Variants in CCDC73 observed in about 807,000 individuals in gnomAD.
CCDC73 encodes coiled-coil domain-containing protein 73.
CCDC73 carries 95 observed loss-of-function variants against 116.5 expected under a neutral mutation model. That is an observed-to-expected ratio of 0.82 (90% CI 0.69 to 0.97). CCDC73 has a LOEUF of 0.97. Among genes scored for constraint, CCDC73 ranks in the 50% least tolerant of loss-of-function variants. The pLI, the probability that CCDC73 is intolerant of heterozygous loss-of-function variation, is 0.00. For synonymous variants in CCDC73, 398 were observed against 401.3 expected (o/e 0.99, Z 0.10); for missense variants, 1,066 against 1,206.8 (o/e 0.88, Z 1.73).
chr11:32,688,019 C>G (rs888459453), intron 6 of CCDC73, among the ~76,000 whole-genome samples: 2 of 151,782 alleles, frequency 1.3e-5, no homozygotes, highest in Non-Finnish European at 2.9e-5. Context: ...ATCCATTGTA[C>G]AAAACAGGAA....
intron 2 of CCDC73, among the ~76,000 whole-genome samples, chr11:32,752,603 A>G (rs1590630027): frequency 6.6e-6 from 1 of 152,368 alleles, no homozygotes; most frequent in Admixed American, 6.5e-5. Context: ...CCAATCTGGG[A>G]ATCAAAAACT....
intron 3 of CCDC73, among the ~76,000 whole-genome samples, chr11:32,710,041 G>A (rs139225266): frequency 6.6e-6 from 1 of 152,150 alleles, no homozygotes; most frequent in African/African-American, 2.4e-5. Flanking sequence ...TGTGGTATCA[G>A]TTGTAGCATC....
intron 13 of CCDC73, among the ~76,000 whole-genome samples, chr11:32,636,512 C>T (rs1855680216): frequency 6.6e-6 from 1 of 152,034 alleles, no homozygotes; most frequent in Non-Finnish European, 1.5e-5. Context: ...GTAAGTTCCA[C>T]TGAGGCGAAA....
At chr11:32,676,684 T>C (rs1590587917) in intron 7 of CCDC73, among the ~76,000 whole-genome samples, 1 of 152,128 alleles carries the variant, frequency 6.6e-6, no homozygotes, top group Non-Finnish European at 1.5e-5. Flanking sequence ...ACTTGGGAAG[T>C]TGAGGTGGGA....
intron 3 of CCDC73, among the ~76,000 whole-genome samples, chr11:32,708,620 T>G (rs1849874282): frequency 6.6e-6 from 1 of 152,206 alleles, no homozygotes; most frequent in Non-Finnish European, 1.5e-5. Flanking sequence ...GTCTTCCATC[T>G]CCTTGGTTAG....
the CCDC73 span, among the ~76,000 whole-genome samples, chr11:32,823,429 G>A: frequency 6.6e-6 from 1 of 151,896 alleles, no homozygotes; most frequent in Non-Finnish European, 1.5e-5. Flanking sequence ...AGCCAAGATT[G>A]TGCCATTGCA....
At position 32,671,170 on chromosome 11, in the gene CCDC73, C is replaced by T. The variant is rs7126059; in HGVS notation, c.645+4395G>A. 1.6e-3 allele frequency among the ~76,000 whole-genome samples: 238 copies of T among 152,038 alleles called. 2 individuals are homozygous for T. The highest frequency in any genetic ancestry group is 5.2e-3 in the African/African-American group (217 of 41,476). ...ATAGTTCCTGCAGTCATAAATATTG[C>T]GCTCTTTTCTCCTTCACCCCTCCCT... On this transcript the variant is annotated intron_variant, in intron 9 of 17. Transcript: ENST00000335185.
chr11:32,705,740 T>C (rs1490377663), intron 3 of CCDC73, among the ~76,000 whole-genome samples: 3 of 152,176 alleles, frequency 2.0e-5, no homozygotes, highest in Non-Finnish European at 4.4e-5. Flanking sequence ...ATTATGATAG[T>C]TGGAAGTTTA....
chr11:32,775,909 T>C (rs1287581770), intron 1 of CCDC73, among the ~76,000 whole-genome samples: 1 of 152,214 alleles, frequency 6.6e-6, no homozygotes, highest in African/African-American at 2.4e-5. Context: ...TCACATCAGA[T>C]TTAACAAATC....
intron 1 of CCDC73, among the ~76,000 whole-genome samples, chr11:32,787,868 T>C (rs1021974693): frequency 6.6e-6 from 1 of 152,214 alleles, no homozygotes; most frequent in African/African-American, 2.4e-5. Flanking sequence ...GAGAACATCC[T>C]TAACTCCATC....
At chr11:32,789,574 T>C (rs1850658151) in intron 1 of CCDC73, among the ~76,000 whole-genome samples, 2 of 151,874 alleles carry the variant, frequency 1.3e-5, no homozygotes, top group Non-Finnish European at 2.9e-5. Flanking sequence ...AGTTCAAGAT[T>C]AGCCTAGACA....
At chr11:32,742,022 T>C (rs1396349521) in intron 2 of CCDC73, among the ~76,000 whole-genome samples, 5 of 152,140 alleles carry the variant, frequency 3.3e-5, no homozygotes, top group Non-Finnish European at 7.3e-5. Flanking sequence ...TATTCCATGG[T>C]GTATATGTGC....
intron 17 of CCDC73, chr11:32,606,261 A>G (rs1383438543): frequency 6.6e-6 from 1 of 152,332 alleles, no homozygotes; most frequent in Admixed American, 6.5e-5. Context: ...TTTTTTGGCT[A>G]TAAGTCTTCA....
At chr11:32,787,930 GC>G (rs975281775) in intron 1 of CCDC73, among the ~76,000 whole-genome samples, 4 of 152,056 alleles carry the variant, frequency 2.6e-5, no homozygotes, top group African/African-American at 9.7e-5. Flanking sequence ...CCTAAGGTAT[GC>G]CCCCCAAAAG....
chr11:32,806,167 G>A, the CCDC73 span, among the ~76,000 whole-genome samples: 1 of 152,190 alleles, frequency 6.6e-6, no homozygotes, highest in Non-Finnish European at 1.5e-5. Flanking sequence ...TATAATCTTT[G>A]CTGTAAGCAG....
At chr11:32,668,119 G>T (rs1856003653) in intron 9 of CCDC73, among the ~76,000 whole-genome samples, 2 of 152,108 alleles carry the variant, frequency 1.3e-5, no homozygotes, top group African/African-American at 4.8e-5. Context: ...CACGTGCAAG[G>T]CACTGTTACC....
intron 2 of CCDC73, among the ~76,000 whole-genome samples, chr11:32,746,479 C>G (rs138177405): frequency 0.1 from 15,462 of 152,154 alleles, 1,054 homozygotes; most frequent in Non-Finnish European, 0.15. Flanking sequence ...GCCTGCCTTG[C>G]TAGGTTGGGG....
chr11:32,681,458 A>T (rs1856143060), intron 7 of CCDC73: 1 of 151,964 alleles, frequency 6.6e-6, no homozygotes. Context: ...GGGATGGAAA[A>T]ATCGTTTGAT....
chr11:32,751,553 G>C (rs72897154), intron 2 of CCDC73, among the ~76,000 whole-genome samples: 1 of 152,170 alleles, frequency 6.6e-6, no homozygotes, highest in Non-Finnish European at 1.5e-5. Flanking sequence ...CATAGACACC[G>C]GCTGGGTTCC....
Sources: gnomAD v4.1 joint callset for allele counts (sites outside exome capture counted in the v4.1 genomes callset) on GRCh38, gnomAD v4.1.1 for gene constraint, MANE v1.5 for transcripts, NCBI Gene and HGNC (gene_info 2026-07-23, HGNC 2026-07-21) for gene names.